The following WDFY4 variants were observed in gnomAD, a reference collection of about 807,000 sequenced individuals.
The protein encoded by WDFY4 is WD repeat- and FYVE domain-containing protein 4.
In WDFY4, 169 loss-of-function variants were observed where a neutral mutation model predicts 351.9. The ratio of observed to expected loss-of-function variants is 0.48; its 90% CI spans 0.42 to 0.55. The LOEUF is 0.55. WDFY4 is among the 20% of genes least tolerant of loss of function. The pLI is 0.00. For missense variants in WDFY4, 3,803 were observed against 3,935.6 expected, an observed-to-expected ratio of 0.97 and a Z score of 0.90; for synonymous variants, 1,622 against 1,574.6, an observed-to-expected ratio of 1.03 and a Z score of -0.71.
chr10:48,806,252 A>G (rs2067251690), intron 27 of WDFY4, among the ~76,000 whole-genome samples, 157 bp downstream of exon 27: 1 of 152,234 alleles, frequency 6.6e-6, no homozygotes, highest in Non-Finnish European at 1.5e-5. Context: ...CTGTCATTTT[A>G]TGATGAGAGT....
chr10:48,703,780 T>C (rs2063545898), intron 1 of WDFY4, among the ~76,000 whole-genome samples: 1 of 152,208 alleles, frequency 6.6e-6, no homozygotes, highest in African/African-American at 2.4e-5. Flanking sequence ...AGCAGTTGCT[T>C]CATGCTCCAG....
chr10:48,737,288 G>T (rs1288724966), intron 11 of WDFY4, among the ~76,000 whole-genome samples: 1 of 151,934 alleles, frequency 6.6e-6, no homozygotes, highest in Non-Finnish European at 1.5e-5. Context: ...AGGATCATAG[G>T]TGTGGGCCAC....
chr10:48,698,167 C>T (rs905166126), intron 1 of WDFY4, among the ~76,000 whole-genome samples: 2 of 152,236 alleles, frequency 1.3e-5, no homozygotes, highest in Admixed American at 1.3e-4. Flanking sequence ...TGGAGAGTCA[C>T]TTCTGAGATT....
chr10:48,953,333 T>A (rs146392820), intron 51 of WDFY4, among the ~76,000 whole-genome samples: 2,033 of 128,180 alleles, frequency 0.016, 38 homozygotes, highest in African/African-American at 0.043. Context: ...TCTCTCTCTC[T>A]CACACACACA....
chr10:48,854,605 G>C (rs1222143148), intron 39 of WDFY4, among the ~76,000 whole-genome samples: 11 of 152,210 alleles, frequency 7.2e-5, no homozygotes, highest in Admixed American at 5.9e-4. Flanking sequence ...GTTTCAGAAA[G>C]ATTGAGTGAT....
intron 39 of WDFY4, among the ~76,000 whole-genome samples, chr10:48,856,827 TG>T: frequency 6.6e-6 from 1 of 152,318 alleles, no homozygotes; most frequent in South Asian, 2.1e-4. Flanking sequence ...CATTTTATTA[TG>T]CAATATAGAA....
chr10:48,921,897 G>T (rs74133037), intron 47 of WDFY4, among the ~76,000 whole-genome samples: 5,208 of 152,246 alleles, frequency 0.034, 223 homozygotes, highest in African/African-American at 0.1. Flanking sequence ...TCTCTTGGAA[G>T]ACACTTCGGA....
In WDFY4 at chr10:48,786,698, G is replaced by T. The variant is rs1366958589; in HGVS notation, c.3636G>T (p.Val1212=). Residue 1212 remains valine, a synonymous_variant, in exon 20 of 62, where the codon GTG becomes GTT. Coordinates refer to ENST00000325239, the MANE Select transcript of WDFY4 (RefSeq NM_001394531.1). The part of the protein sequence containing the change: ...PFLSMDPSAF[V]DVYGYIATPR... Reference sequence around the variant, plus strand: ...TTTCTATGGATCCATCCGCATTTGTGGATGTTTATGGATATATTGCTACTC... The same window carrying T: ...TTTCTATGGATCCATCCGCATTTGTTGATGTTTATGGATATATTGCTACTC... The T allele has an allele frequency of 1.3e-6, 2 of 1,552,106 alleles. No individual in the cohort carries two copies. The highest frequency in any genetic ancestry group is 3.9e-5 in the Admixed American group (2 of 50,996).
intron 50 of WDFY4, 49 bp from the exon 51 acceptor site, chr10:48,946,809 CGT>C: frequency 7.5e-7 from 1 of 1,325,038 alleles, no homozygotes; most frequent in South Asian, 1.3e-5. Flanking sequence ...ATATCTGCCA[CGT>C]GTGAGTGCAG....
At chr10:48,939,138 C>T (rs55855663) in intron 47 of WDFY4, among the ~76,000 whole-genome samples, 1 of 152,186 alleles carries the variant, frequency 6.6e-6, no homozygotes, top group Non-Finnish European at 1.5e-5. Flanking sequence ...TTGCACAATT[C>T]TAAGGTCACT....
intron 11 of WDFY4, among the ~76,000 whole-genome samples, chr10:48,739,103 T>C (rs922061117): frequency 2.6e-4 from 40 of 152,376 alleles, no homozygotes; most frequent in Non-Finnish European, 5.6e-4. Context: ...GATTTGCTAA[T>C]ATACATTTAG....
intron 36 of WDFY4, among the ~76,000 whole-genome samples, chr10:48,827,837 G>T (rs189020003): frequency 9.9e-5 from 15 of 151,750 alleles, no homozygotes; most frequent in African/African-American, 3.1e-4. Context: ...AGAGGCACTT[G>T]TCTTTGTATG....
chr10:48,860,118 CTA>C (rs2069283559), intron 39 of WDFY4, among the ~76,000 whole-genome samples: 1 of 152,154 alleles, frequency 6.6e-6, no homozygotes, highest in African/African-American at 2.4e-5. Context: ...TTTGTAAATT[CTA>C]TCTCTTCAAA....
At chr10:48,698,184 C>T (rs1002431199) in intron 1 of WDFY4, among the ~76,000 whole-genome samples, 2 of 152,190 alleles carry the variant, frequency 1.3e-5, no homozygotes, top group Non-Finnish European at 2.9e-5. Flanking sequence ...GATTCCACAG[C>T]TCATGGCATG....
At chr10:48,813,770 G>A (rs932422343) in intron 30 of WDFY4, among the ~76,000 whole-genome samples, 187 bp from the exon 31 acceptor site, 17 of 152,210 alleles carry the variant, frequency 1.1e-4, no homozygotes, top group African/African-American at 3.6e-4. Context: ...CTTCTTGGAG[G>A]TGCTTGTTTC....
intron 1 of WDFY4, among the ~76,000 whole-genome samples, chr10:48,701,667 AG>A (rs1366759540): frequency 6.6e-6 from 1 of 152,164 alleles, no homozygotes; most frequent in African/African-American, 2.4e-5. Flanking sequence ...TTGAGGAAAG[AG>A]GAAGTGTGGT....
intron 55 of WDFY4, 40 bp from the exon 56 acceptor site, chr10:48,969,024 T>A (rs1342064372): frequency 6.5e-7 from 1 of 1,541,576 alleles, no homozygotes; most frequent in Non-Finnish European, 8.8e-7. Flanking sequence ...GTGGGTGCTG[T>A]TCTTCCATGC....
chr10:48,899,692 A>G (rs564278509), intron 45 of WDFY4, among the ~76,000 whole-genome samples: 1 of 152,316 alleles, frequency 6.6e-6, no homozygotes, highest in Non-Finnish European at 1.5e-5. Context: ...AAGAAAAGAT[A>G]GTTATGTGAA....
chr10:48,727,374 T>G, intron 6 of WDFY4, 96 bp from the exon 7 acceptor site: 61 of 1,244,572 alleles, frequency 4.9e-5, no homozygotes, highest in Non-Finnish European at 6.2e-5. Flanking sequence ...ATTCATGTCT[T>G]GACATGTTGT....
Sources: allele counts gnomAD v4.1 joint callset (sites outside exome capture counted in the v4.1 genomes callset), GRCh38; gene constraint gnomAD v4.1.1; transcripts MANE v1.5; gene names NCBI Gene and HGNC (gene_info 2026-07-23, HGNC 2026-07-21).